Variants in DLG2 observed in about 807,000 individuals in gnomAD.
DLG2 encodes disks large homolog 2.
DLG2 carries 45 observed loss-of-function variants against 132.5 expected under a neutral mutation model. The ratio of observed to expected loss-of-function variants is 0.34; its 90% CI spans 0.27 to 0.44. DLG2 has a LOEUF of 0.44. Among genes scored for constraint, DLG2 ranks in the 20% least tolerant of loss-of-function variants. The probability of loss-of-function intolerance (pLI) is 1.00; values close to 1 mark genes in which losing one functional copy is unlikely to be tolerated. For missense variants in DLG2, 1,045 were observed against 1,196.9 expected (o/e 0.87, Z 1.87); for synonymous variants, 424 against 419.6 (o/e 1.01, Z -0.13).
chr11:83,463,641 A>T (rs544362406), intron 26 of DLG2, among the ~76,000 whole-genome samples: 22 of 152,120 alleles, frequency 1.4e-4, no homozygotes, highest in Non-Finnish European at 2.8e-4. Context: ...AAATACAAAC[A>T]TTAGCTGGGT....
chr11:84,367,546 A>G (rs2098689168), intron 7 of DLG2, among the ~76,000 whole-genome samples: 1 of 152,132 alleles, frequency 6.6e-6, no homozygotes, highest in Non-Finnish European at 1.5e-5. Context: ...TAATATAACA[A>G]TATTAAGAGC....
rs557360715 is a variant in DLG2 at position 84,175,660 on chromosome 11, T to C, written c.574-12149A>G. Among the ~76,000 whole-genome samples, 6 of 152,268 alleles carry C rather than the reference T, an allele frequency of 3.9e-5. No homozygotes were observed. In the South Asian group the frequency reaches 1.0e-3, roughly 26 times the overall value. On this transcript the variant is annotated intron_variant, in intron 8 of 27. Transcript: ENST00000376104. Reference sequence around the variant, plus strand: ...TACCCCCACCTTCTTCGCTATCTCATATAATCTCTTTTCATCCCATTTAAA... The same window carrying C: ...TACCCCCACCTTCTTCGCTATCTCACATAATCTCTTTTCATCCCATTTAAA...
At chr11:85,276,968 T>G (rs2077928650) in intron 4 of DLG2, among the ~76,000 whole-genome samples, 1 of 152,198 alleles carries the variant, frequency 6.6e-6, no homozygotes, top group Admixed American at 6.5e-5. Flanking sequence ...AGAATTTTTC[T>G]AGTTAAGGTC....
At chr11:83,744,666 G>C (rs2092774458) in intron 18 of DLG2, among the ~76,000 whole-genome samples, 1 of 152,184 alleles carries the variant, frequency 6.6e-6, no homozygotes, top group South Asian at 2.1e-4. Context: ...CAGTCTTTTA[G>C]TGTTTGGATC....
At chr11:83,888,762 A>G (rs950917354) in intron 15 of DLG2, among the ~76,000 whole-genome samples, 16 of 152,196 alleles carry the variant, frequency 1.1e-4, no homozygotes, top group African/African-American at 3.4e-4. Flanking sequence ...ACAGAGATAT[A>G]GATCAATGGA....
In DLG2 at chr11:83,650,520, T is replaced by C. The variant is rs184035592; in HGVS notation, c.1826-17195A>G. Among the ~76,000 whole-genome samples, 150 of 152,272 alleles carry C rather than the reference T, an allele frequency of 9.9e-4. 1 individual carries two copies. Among genetic ancestry groups the C allele is most frequent in the African/African-American group, 3.5e-3 (145 of 41,564 alleles). On this transcript the variant is annotated intron_variant, in intron 18 of 27. Transcript: ENST00000376104. The stretch of plus-strand genomic sequence containing the variant: ...AGCCTAGTGAAACTGATTTCAGACT[T>C]CTGGCCTCCAAAACTGTAAGAGAAT...
rs1043561512 is a variant in DLG2, at chr11:84,238,446, G to A, written c.573+12792C>T. Among the ~76,000 whole-genome samples, 4 of 151,980 alleles carry A rather than the reference G, an allele frequency of 2.6e-5. No homozygotes were observed. The East Asian group carries it at 7.8e-4, about 30-fold the overall frequency. ...GAGATGAAAGGATTGTTTGAGCCCA[G>A]GAGGTCCAGGCTACAGTGAGCCCTG... On this transcript the variant is annotated intron_variant, in intron 8 of 27. Coordinates refer to ENST00000376104, the MANE Select transcript of DLG2 (RefSeq NM_001142699.3).
At chr11:85,158,448 G>C (rs916148853) in intron 4 of DLG2, among the ~76,000 whole-genome samples, 25 of 152,170 alleles carry the variant, frequency 1.6e-4, no homozygotes, top group African/African-American at 5.8e-4. Flanking sequence ...GGGAGATTGG[G>C]ATGGTGGAGT....
chr11:84,695,522 G>C lies in DLG2; in HGVS notation c.358-160791C>G, dbSNP rs148814165. ...TGAAGTCATCACTGAAAGAAATAAA[G>C]TTACTAAAATAACTGGTACTGTAGA... On this transcript the variant is annotated intron_variant, in intron 6 of 27. Transcript: ENST00000376104. 3.4e-3 allele frequency among the ~76,000 whole-genome samples: 514 copies of C among 151,642 alleles called. 4 individuals are homozygous for C. Among genetic ancestry groups the C allele is most frequent in the African/African-American group, 0.012 (487 of 41,454 alleles).
intron 9 of DLG2, among the ~76,000 whole-genome samples, chr11:84,151,280 G>T (rs914035918): frequency 2.0e-5 from 3 of 151,878 alleles, no homozygotes; most frequent in Non-Finnish European, 2.9e-5. Flanking sequence ...TCAATCTTAG[G>T]AGGTTGTATG....
chr11:83,950,858 G>C (rs2085235930), intron 14 of DLG2, among the ~76,000 whole-genome samples: 1 of 152,038 alleles, frequency 6.6e-6, no homozygotes, highest in Non-Finnish European at 1.5e-5. Context: ...ATAGCTTTCA[G>C]TACTGCTCTC....
intron 15 of DLG2, among the ~76,000 whole-genome samples, chr11:83,918,897 A>T (rs2077380324): frequency 1.3e-5 from 2 of 152,180 alleles, no homozygotes; most frequent in African/African-American, 4.8e-5. Flanking sequence ...CCTCTGCCAG[A>T]CACTGCCCAG....
chr11:85,461,557 C>A (rs901103149), intron 3 of DLG2, among the ~76,000 whole-genome samples: 2 of 152,182 alleles, frequency 1.3e-5, no homozygotes, highest in African/African-American at 4.8e-5. Flanking sequence ...GTACCTGTGA[C>A]TGAAGAGGCC....
chr11:83,690,329 A>G (rs1053339216), intron 18 of DLG2, among the ~76,000 whole-genome samples: 3 of 151,554 alleles, frequency 2.0e-5, no homozygotes, highest in African/African-American at 7.2e-5. Flanking sequence ...ACACTGGGAC[A>G]ATAGAAAAAA....
chr11:83,926,118 T>TTTTTTTTTTTTTTTTTTTTTTTTTG (rs1565666142), intron 15 of DLG2, among the ~76,000 whole-genome samples: 1 of 150,862 alleles, frequency 6.6e-6, no homozygotes, highest in African/African-American at 2.5e-5. Context: ...TGTTTTCTTT[T>TTTTTTTTTTTTTTTTTTTTTTTTTG]AAACGGTCTT....
intron 18 of DLG2, among the ~76,000 whole-genome samples, chr11:83,682,955 C>G (rs574341849): frequency 1.1e-4 from 16 of 152,262 alleles, no homozygotes; most frequent in Non-Finnish European, 1.9e-4. Flanking sequence ...TGAACCCAAA[C>G]CCAGGTCTTC....
At chr11:84,475,381 G>A (rs1461820018) in intron 7 of DLG2, among the ~76,000 whole-genome samples, 1 of 152,076 alleles carries the variant, frequency 6.6e-6, no homozygotes, top group Non-Finnish European at 1.5e-5. Flanking sequence ...AAGAAAAAAA[G>A]CAAATTACCT....
At chr11:85,225,820 A>G (rs1490807270) in intron 4 of DLG2, among the ~76,000 whole-genome samples, 4 of 152,040 alleles carry the variant, frequency 2.6e-5, no homozygotes, top group African/African-American at 9.7e-5. Flanking sequence ...CTCCATCTCA[A>G]ATCACAACCA....
intron 6 of DLG2, among the ~76,000 whole-genome samples, chr11:84,600,214 A>AAGAAAGAAAGAAAGAAAGAAAG (rs2099573365): frequency 7.3e-6 from 1 of 136,524 alleles, no homozygotes; most frequent in Non-Finnish European, 1.5e-5. Flanking sequence ...GAAAGAAAGA[A>AAGAAAGAAAGAAAGAAAGAAAG]AGAAAGAAAG....
Sources: allele counts gnomAD v4.1 joint callset (sites outside exome capture counted in the v4.1 genomes callset), GRCh38; gene constraint gnomAD v4.1.1; transcripts MANE v1.5; gene names NCBI Gene and HGNC (gene_info 2026-07-23, HGNC 2026-07-21).